EHBP1: variants seen among roughly 807,000 people sequenced by gnomAD.
The protein encoded by EHBP1 is EH domain-binding protein 1.
A neutral mutation model predicts 144.0 loss-of-function variants in EHBP1; 55 were observed. The ratio of observed to expected loss-of-function variants is 0.38; its 90% CI spans 0.31 to 0.48. The LOEUF (loss-of-function observed/expected upper bound fraction) is 0.48. Among genes scored for constraint, EHBP1 ranks in the 20% least tolerant of loss-of-function variants. EHBP1 has a pLI of 0.98. For synonymous variants in EHBP1, 469 were observed against 472.7 expected (o/e 0.99, Z 0.10); for missense variants, 1,200 against 1,364.2 (o/e 0.88, Z 1.90).
intron 7 of EHBP1, among the ~76,000 whole-genome samples, chr2:62,853,124 C>G (rs2048799444): frequency 6.6e-6 from 1 of 152,178 alleles, no homozygotes; most frequent in Admixed American, 6.5e-5. Context: ...TAACATACCT[C>G]TGACAGCCTA....
chr2:62,994,020 C>A, intron 18 of EHBP1, 43 bp downstream of exon 18: 1 of 1,358,694 alleles, frequency 7.4e-7, no homozygotes, highest in Non-Finnish European at 1.0e-6. Context: ...CTGATAATTC[C>A]AAACTGTATG....
intron 5 of EHBP1, among the ~76,000 whole-genome samples, chr2:62,805,342 A>G (rs1300172901): frequency 2.0e-5 from 3 of 152,130 alleles, no homozygotes; most frequent in African/African-American, 7.2e-5. Context: ...TTGCAAAAGA[A>G]TGTATCCAAT....
At chr2:62,690,797 C>T (rs1273544880) in intron 1 of EHBP1, among the ~76,000 whole-genome samples, 1 of 152,014 alleles carries the variant, frequency 6.6e-6, no homozygotes, top group Non-Finnish European at 1.5e-5. Flanking sequence ...AATAAGAATC[C>T]CACTGGACAC....
At chr2:62,883,868 G>C (rs547563907) in intron 10 of EHBP1, among the ~76,000 whole-genome samples, 1 of 152,198 alleles carries the variant, frequency 6.6e-6, no homozygotes, top group Non-Finnish European at 1.5e-5. Context: ...TTACTTGGGA[G>C]GTTAAGGTGG....
intron 3 of EHBP1, among the ~76,000 whole-genome samples, chr2:62,756,047 A>T (rs1019147185): frequency 1.3e-5 from 2 of 151,632 alleles, no homozygotes; most frequent in Non-Finnish European, 1.5e-5. Context: ...GCTGAGGCAG[A>T]TGGATTACTG....
chr2:62,724,014 G>T (rs1322327087), intron 2 of EHBP1, among the ~76,000 whole-genome samples: 1 of 152,122 alleles, frequency 6.6e-6, no homozygotes, highest in Non-Finnish European at 1.5e-5. Context: ...TTGAATGTTG[G>T]CCTCTCTAGC....
At chr2:62,724,626 G>C (rs1488435864) in intron 2 of EHBP1, among the ~76,000 whole-genome samples, 1 of 151,718 alleles carries the variant, frequency 6.6e-6, no homozygotes, top group Non-Finnish European at 1.5e-5. Flanking sequence ...CTTTGAAGTT[G>C]CTCACCTTTG....
chr2:62,840,509 A>G (rs1016829918), intron 7 of EHBP1, among the ~76,000 whole-genome samples: 1 of 150,006 alleles, frequency 6.7e-6, no homozygotes, highest in Non-Finnish European at 1.5e-5. Context: ...TAAACTAAAG[A>G]GCTTCTGCAC....
At chr2:62,732,672 G>A (rs1573017866) in intron 2 of EHBP1, among the ~76,000 whole-genome samples, 1 of 152,096 alleles carries the variant, frequency 6.6e-6, no homozygotes, top group Non-Finnish European at 1.5e-5. Context: ...CCCGAAAGCT[G>A]TCATGCTTCC....
chr2:62,757,369 A>G (rs535964028), intron 3 of EHBP1, among the ~76,000 whole-genome samples: 11 of 142,962 alleles, frequency 7.7e-5, no homozygotes, highest in East Asian at 2.1e-4. Context: ...ACTTTGTACT[A>G]TGTTTTAGAA....
At chr2:62,967,622 G>A (rs1035117957) in intron 14 of EHBP1, among the ~76,000 whole-genome samples, 1 of 152,132 alleles carries the variant, frequency 6.6e-6, no homozygotes, top group South Asian at 2.1e-4. Context: ...GATTTTTCCA[G>A]TAAAATTGAG....
At chr2:62,750,098 AG>A (rs1365669856) in intron 3 of EHBP1, among the ~76,000 whole-genome samples, 1 of 152,128 alleles carries the variant, frequency 6.6e-6, no homozygotes, top group African/African-American at 2.4e-5. Flanking sequence ...GTTTTCTTCT[AG>A]GGTTTTTATG....
chr2:62,998,751 C>G (rs555735957), intron 19 of EHBP1, among the ~76,000 whole-genome samples: 4 of 152,194 alleles, frequency 2.6e-5, no homozygotes, highest in African/African-American at 9.6e-5. Context: ...TCCTTTTGAG[C>G]TTATTATATT....
Position 62,857,326 on chromosome 2 carries a change from A to G in EHBP1, c.635-1843A>G, listed in dbSNP as rs181653245. On this transcript the variant is annotated intron_variant, in intron 7 of 22. Coordinates refer to ENST00000431489, the MANE Select transcript of EHBP1 (RefSeq NM_001142616.3). ...TGTGTCTCTATAGATCGTAAATTCCACAAGGACAATACCATGTTTGTTTTT... is the reference window on the plus strand; with the variant it reads ...TGTGTCTCTATAGATCGTAAATTCCGCAAGGACAATACCATGTTTGTTTTT... Among the ~76,000 whole-genome samples the G allele has an allele frequency of 3.4e-3, 516 of 152,346 alleles. 4 individuals are homozygous for G. The highest frequency in any genetic ancestry group is 3.7e-3 in the Non-Finnish European group (252 of 68,038).
intron 2 of EHBP1, among the ~76,000 whole-genome samples, chr2:62,715,342 C>T (rs2035564124): frequency 6.6e-6 from 1 of 152,062 alleles, no homozygotes; most frequent in South Asian, 2.1e-4. Context: ...TCTCGATCTC[C>T]TGACCTCGTG....
rs756996381 is a variant in EHBP1 at position 63,045,413 on chromosome 2, CGAA to C, written c.3405_3407del (p.Glu1135del). On this transcript the variant is annotated inframe_deletion, in exon 23 of 23. Coordinates refer to ENST00000431489, the MANE Select transcript of EHBP1 (RefSeq NM_001142616.3). The surrounding 1 kb of genome is among the most constrained non-coding windows in gnomAD (Gnocchi z 5.7). Reference sequence around the variant, plus strand: ...GTCCTGTTTGTCTGACATCCAGGGCCGAAGAAGAAGATGAGCATTTGGAGCGAA... The same window carrying C: ...GTCCTGTTTGTCTGACATCCAGGGCCGAAGAAGATGAGCATTTGGAGCGAA... 3 of 1,613,928 alleles carry C rather than the reference CGAA, an allele frequency of 1.9e-6. No homozygotes were observed. The highest frequency in any genetic ancestry group is 4.5e-5 in the East Asian group (2 of 44,882).
chr2:62,730,298 C>G (rs1262198747), intron 2 of EHBP1, among the ~76,000 whole-genome samples: 1 of 152,008 alleles, frequency 6.6e-6, no homozygotes, highest in Non-Finnish European at 1.5e-5. Context: ...AAATCTCTCC[C>G]TCACTCCCCC....
chr2:62,814,102 T>TC (rs2045263912), intron 5 of EHBP1, among the ~76,000 whole-genome samples: 1 of 152,176 alleles, frequency 6.6e-6, no homozygotes. Context: ...TTTGAATGTG[T>TC]CCCCCAAAGT....
At chr2:62,805,293 T>TA (rs1242879961) in intron 5 of EHBP1, among the ~76,000 whole-genome samples, 2 of 152,056 alleles carry the variant, frequency 1.3e-5, no homozygotes, top group Admixed American at 1.3e-4. Context: ...TATTTATTGA[T>TA]ACAGAACTAT....
Sources: allele counts gnomAD v4.1 joint callset (sites outside exome capture counted in the v4.1 genomes callset), GRCh38; gene constraint gnomAD v4.1.1; non-coding constraint Gnocchi (gnomAD v3.1); transcripts MANE v1.5; gene names NCBI Gene and HGNC (gene_info 2026-07-23, HGNC 2026-07-21).